RAB28: variants seen among roughly 807,000 people sequenced by gnomAD.
RAB28 encodes ras-related protein Rab-28.
Under a neutral mutation model 31.7 loss-of-function variants are expected in RAB28, and 24 were observed. The observed-to-expected ratio is 0.76, with a 90% confidence interval of 0.55 to 1.06. The LOEUF is 1.06. RAB28 is among the 50% of genes least tolerant of loss of function. The probability of loss-of-function intolerance (pLI) is 0.00; values close to 1 mark genes in which losing one functional copy is unlikely to be tolerated. For missense variants in RAB28, 254 were observed against 258.5 expected, an observed-to-expected ratio of 0.98 and a Z score of 0.12; for synonymous variants, 100 against 90.4, an observed-to-expected ratio of 1.11 and a Z score of -0.60.
intron 5 of RAB28, among the ~76,000 whole-genome samples, chr4:13,377,183 T>A (rs1022971540): frequency 1.3e-5 from 2 of 152,172 alleles, no homozygotes; most frequent in African/African-American, 4.8e-5. Context: ...GAAAAATATA[T>A]GCCATTACGA....
chr4:13,432,909 C>A (rs1483121928), intron 4 of RAB28, among the ~76,000 whole-genome samples: 1 of 151,544 alleles, frequency 6.6e-6, no homozygotes, highest in Non-Finnish European at 1.5e-5. Context: ...AAAACTGAAC[C>A]TCATATGTCA....
chr4:13,456,148 G>A (rs1040509148), intron 4 of RAB28, among the ~76,000 whole-genome samples: 3 of 152,094 alleles, frequency 2.0e-5, no homozygotes, highest in Non-Finnish European at 4.4e-5. Flanking sequence ...ACACATAACA[G>A]ATTCTCAAAA....
chr4:13,481,740 T>C (rs942735670), intron 1 of RAB28, among the ~76,000 whole-genome samples: 1 of 152,072 alleles, frequency 6.6e-6, no homozygotes, highest in African/African-American at 2.4e-5. Flanking sequence ...TAAATTTCTC[T>C]TGGAGAAACT....
chr4:13,392,661 G>A (rs1197969744), intron 4 of RAB28, among the ~76,000 whole-genome samples: 4 of 152,172 alleles, frequency 2.6e-5, no homozygotes, highest in Non-Finnish European at 5.9e-5. Context: ...ATTCTTGGAA[G>A]TTGCTAAGAG....
rs1164057720 is a variant in RAB28 at position 13,404,380 on chromosome 4, G to GAAAAT, written c.392-22791_392-22787dup. Among the ~76,000 whole-genome samples, 9 of 151,964 alleles carry GAAAAT rather than the reference G, an allele frequency of 5.9e-5. No homozygotes were observed. The South Asian group carries it at 6.2e-4, about 11-fold the overall frequency. On this transcript the variant is annotated intron_variant, in intron 4 of 6. Transcript: ENST00000330852. ...GCAACAAGAGCGAAACTCCATTTCA[G>GAAAAT]AAAATAAAATAAAATAAAATAAATA...
chr4:13,408,086 T>C (rs970033308), intron 4 of RAB28, among the ~76,000 whole-genome samples: 12 of 152,232 alleles, frequency 7.9e-5, no homozygotes, highest in African/African-American at 2.9e-4. Context: ...CCTTGTCTTG[T>C]GCTGGTTTTC....
chr4:13,393,810 TAA>T (rs375398388), intron 4 of RAB28, among the ~76,000 whole-genome samples: 23 of 125,724 alleles, frequency 1.8e-4, no homozygotes, highest in African/African-American at 7.0e-4. Context: ...CTAATCAACC[TAA>T]AGTTTATTCA....
intron 4 of RAB28, among the ~76,000 whole-genome samples, chr4:13,451,099 C>T (rs1714945109): frequency 6.6e-6 from 1 of 151,782 alleles, no homozygotes; most frequent in Non-Finnish European, 1.5e-5. Context: ...GCAGGAAGAC[C>T]ACTTAAGAAG....
chr4:13,424,111 A>C (rs1171704332), intron 4 of RAB28, among the ~76,000 whole-genome samples: 7 of 152,226 alleles, frequency 4.6e-5, no homozygotes, highest in Non-Finnish European at 1.5e-5. Flanking sequence ...AAAAAACGAA[A>C]AGTTTTTTAA....
chr4:13,418,848 C>A (rs988968491), intron 4 of RAB28, among the ~76,000 whole-genome samples: 2 of 152,130 alleles, frequency 1.3e-5, no homozygotes, highest in African/African-American at 4.8e-5. Context: ...CATCAACTAA[C>A]CGGCAAAATA....
At chr4:13,375,768 A>ACACACACACACACACAC (rs1728894857) in intron 6 of RAB28, among the ~76,000 whole-genome samples, 2 of 148,068 alleles carry the variant, frequency 1.4e-5, no homozygotes, top group African/African-American at 5.0e-5. Context: ...ATTGTTTTAA[A>ACACACACACACACACAC]ACACACACAC....
chr4:13,395,615 G>A (rs1729843100), intron 4 of RAB28, among the ~76,000 whole-genome samples: 1 of 151,664 alleles, frequency 6.6e-6, no homozygotes, highest in South Asian at 2.1e-4. Context: ...CCACCTATAT[G>A]ACTACTGATA....
chr4:13,402,974 T>C (rs1305459730), intron 4 of RAB28, among the ~76,000 whole-genome samples: 1 of 152,018 alleles, frequency 6.6e-6, no homozygotes, highest in Non-Finnish European at 1.5e-5. Flanking sequence ...CTGTATATTT[T>C]TGTAGGAAAG....
chr4:13,484,002 G>C, intron 1 of RAB28, 74 bp downstream of exon 1: 2 of 1,402,188 alleles, frequency 1.4e-6, no homozygotes, highest in Admixed American at 2.0e-5. Flanking sequence ...AGGCGACGCC[G>C]GGCGGCGGGG....
chr4:13,385,689 T>C (rs1330157416), intron 4 of RAB28, among the ~76,000 whole-genome samples: 3 of 152,126 alleles, frequency 2.0e-5, no homozygotes, highest in Non-Finnish European at 2.9e-5. Context: ...GCAGTGAATA[T>C]GGAAAGGAAA....
chr4:13,473,647 C>A (rs1383881307), intron 3 of RAB28, among the ~76,000 whole-genome samples: 1 of 151,698 alleles, frequency 6.6e-6, no homozygotes, highest in African/African-American at 2.4e-5. Flanking sequence ...TGTATAATAA[C>A]TTTATTTAAA....
At chr4:13,470,249 T>C (rs916035758) in intron 3 of RAB28, among the ~76,000 whole-genome samples, 10 of 152,078 alleles carry the variant, frequency 6.6e-5, no homozygotes, top group African/African-American at 1.9e-4. Context: ...GATTATATAA[T>C]AGCCATAACA....
At chr4:13,381,808 T>C (rs1729143418) in intron 4 of RAB28, among the ~76,000 whole-genome samples, 1 of 152,134 alleles carries the variant, frequency 6.6e-6, no homozygotes, top group African/African-American at 2.4e-5. Context: ...AGTTATTTGA[T>C]AATTAATCTA....
chr4:13,467,691 T>C (rs186412941), intron 3 of RAB28, among the ~76,000 whole-genome samples: 21 of 151,508 alleles, frequency 1.4e-4, no homozygotes, highest in Non-Finnish European at 3.0e-4. Context: ...AATACTCAAA[T>C]AAAACCAGAG....
Sources: gnomAD v4.1 joint callset for allele counts (sites outside exome capture counted in the v4.1 genomes callset) on GRCh38, gnomAD v4.1.1 for gene constraint, MANE v1.5 for transcripts, NCBI Gene and HGNC (gene_info 2026-07-23, HGNC 2026-07-21) for gene names.